Variants in DIRAS2 observed in about 807,000 individuals in gnomAD.
DIRAS2 encodes the protein DIRAS family GTPase 2, also known as GTP-binding protein Di-Ras2.
DIRAS2 carries 5 observed loss-of-function variants against 13.9 expected under a neutral mutation model. That is an observed-to-expected ratio of 0.36 (90% CI 0.19 to 0.76). The LOEUF is 0.76. DIRAS2 is among the 30% of genes least tolerant of loss of function. The pLI is 0.53. For missense variants in DIRAS2, 191 were observed against 263.0 expected, an observed-to-expected ratio of 0.73 and a Z score of 1.89; for synonymous variants, 111 against 105.4, an observed-to-expected ratio of 1.05 and a Z score of -0.33.
chr9:90,620,158 TG>T (rs1169381824), intron 1 of DIRAS2, among the ~76,000 whole-genome samples: 2 of 152,200 alleles, frequency 1.3e-5, no homozygotes, highest in Non-Finnish European at 2.9e-5. Context: ...TAAAAACCGC[TG>T]AAATGTACAC....
intron 1 of DIRAS2, among the ~76,000 whole-genome samples, chr9:90,632,764 A>G (rs1225906456): frequency 6.6e-6 from 1 of 152,238 alleles, no homozygotes; most frequent in Non-Finnish European, 1.5e-5. Flanking sequence ...TGGGAAGGGC[A>G]GGCTAAGCGA....
At position 90,632,529 on chromosome 9, in the gene DIRAS2, C is replaced by A. The variant is rs190684223; in HGVS notation, c.-37+10223G>T. Among the ~76,000 whole-genome samples, 4 of 152,346 alleles carry A rather than the reference C, an allele frequency of 2.6e-5. No homozygotes were observed. The East Asian group carries it at 5.8e-4, about 22-fold the overall frequency. ...CCCAGTAGTCTGTGGCATCTTCCCA[C>A]TTTATTTTCTCCAGCTTACATTTGT... On this transcript the variant is annotated intron_variant, in intron 1 of 1. Coordinates refer to ENST00000375765, the MANE Select transcript of DIRAS2 (RefSeq NM_017594.5).
intron 1 of DIRAS2, among the ~76,000 whole-genome samples, chr9:90,642,393 T>C (rs1825426658): frequency 2.0e-5 from 3 of 152,240 alleles, no homozygotes; most frequent in Admixed American, 6.5e-5. Flanking sequence ...TTTCTCACTT[T>C]AGACCACATC....
At chr9:90,637,298 G>T (rs930134458) in intron 1 of DIRAS2, among the ~76,000 whole-genome samples, 2 of 152,090 alleles carry the variant, frequency 1.3e-5, no homozygotes, top group Non-Finnish European at 2.9e-5. Flanking sequence ...CTCTGCTGAG[G>T]GATAAGCTAT....
chr9:90,637,771 C>T lies in DIRAS2; in HGVS notation c.-37+4981G>A, dbSNP rs530314351. On this transcript the variant is annotated intron_variant, in intron 1 of 1. Transcript: ENST00000375765. ...ATCTTAGATTAAGGCCGTGGCTCTCCGGCTGTGCTTGAAAGATCAGCACTG... is the reference window on the plus strand; with the variant it reads ...ATCTTAGATTAAGGCCGTGGCTCTCTGGCTGTGCTTGAAAGATCAGCACTG... 1.2e-4 allele frequency among the ~76,000 whole-genome samples: 18 copies of T among 152,208 alleles called. No individual in the cohort carries two copies. In the South Asian group the frequency reaches 2.5e-3, roughly 21 times the overall value.
chr9:90,618,936 G>GATCAAGAT (rs1825194194), intron 1 of DIRAS2, among the ~76,000 whole-genome samples: 2 of 152,176 alleles, frequency 1.3e-5, no homozygotes, highest in South Asian at 4.1e-4. Context: ...AAGATCAAGA[G>GATCAAGAT]ATCAAGACCA....
intron 1 of DIRAS2, among the ~76,000 whole-genome samples, chr9:90,638,375 C>A (rs1825388971): frequency 6.6e-6 from 1 of 152,102 alleles, no homozygotes; most frequent in Non-Finnish European, 1.5e-5. Context: ...TCTAGGTTAC[C>A]CAGCCATTTC....
chr9:90,639,388 A>T (rs531847434), intron 1 of DIRAS2, among the ~76,000 whole-genome samples: 2 of 152,340 alleles, frequency 1.3e-5, no homozygotes, highest in South Asian at 4.1e-4. Context: ...GTAAAGCATA[A>T]TACTAAAAGA....
chr9:90,613,177 G>A lies in DIRAS2; in HGVS notation c.*51C>T, dbSNP rs1470759058. ...CCTGACGACGGTGGGTGTCATTTTGGGGGAGTGAGGTGCCGGGGACACACA... is the reference window on the plus strand; with the variant it reads ...CCTGACGACGGTGGGTGTCATTTTGAGGGAGTGAGGTGCCGGGGACACACA... On this transcript the variant is annotated 3_prime_UTR_variant, in exon 2 of 2. Coordinates refer to ENST00000375765, the MANE Select transcript of DIRAS2 (RefSeq NM_017594.5). The surrounding 1 kb of genome is among the most constrained non-coding windows in gnomAD (Gnocchi z 5.6). 3 of 1,569,872 alleles carry A rather than the reference G, an allele frequency of 1.9e-6. No homozygotes were observed. Among genetic ancestry groups the A allele is most frequent in the Non-Finnish European group, 1.7e-6 (2 of 1,159,166 alleles).
chr9:90,636,091 G>T (rs1446094934), intron 1 of DIRAS2, among the ~76,000 whole-genome samples: 1 of 129,978 alleles, frequency 7.7e-6, no homozygotes, highest in Non-Finnish European at 1.5e-5. Flanking sequence ...AGGCTGGAGT[G>T]CAGTGGTGCG....
chr9:90,628,237 C>T (rs1165678760), intron 1 of DIRAS2, among the ~76,000 whole-genome samples: 5 of 152,222 alleles, frequency 3.3e-5, no homozygotes, highest in Non-Finnish European at 7.3e-5. Flanking sequence ...CACAGTGCCA[C>T]TGGCCCCTTG....
chr9:90,638,880 G>T (rs896938063), intron 1 of DIRAS2, among the ~76,000 whole-genome samples: 1 of 152,068 alleles, frequency 6.6e-6, no homozygotes, highest in Non-Finnish European at 1.5e-5. Context: ...AGGCACAAAA[G>T]TGCTCCAATA....
chr9:90,614,452 G>A (rs183543763), intron 1 of DIRAS2, among the ~76,000 whole-genome samples: 14 of 152,122 alleles, frequency 9.2e-5, no homozygotes, highest in Admixed American at 7.2e-4. Context: ...CTCTGCAGGA[G>A]TTGGTGCCAT....
intron 1 of DIRAS2, among the ~76,000 whole-genome samples, chr9:90,637,692 A>G (rs1056431715): frequency 2.6e-5 from 4 of 152,100 alleles, no homozygotes; most frequent in African/African-American, 9.7e-5. Context: ...TATCTTTGAA[A>G]CCGGTGTGTT....
In DIRAS2 at chr9:90,613,795, G is replaced by C. The variant is rs765868238; in HGVS notation, c.33C>G (p.Ala11=). 1.2e-6 allele frequency: 2 copies of C among 1,613,898 alleles called. No individual in the cohort carries two copies. Among genetic ancestry groups the C allele is most frequent in the Non-Finnish European group, 1.7e-6 (2 of 1,179,880 alleles). MPEQSNDYRV[A]VFGAGGVGKS... is the part of the protein sequence containing the mutation. ...TGCCAACACCGCCAGCCCCAAACAC[G>C]GCCACCCGGTAATCGTTACTCTGCT... The change falls in exon 2 of 2, where the codon GCC becomes GCG. Residue 11 remains alanine (A), a synonymous_variant. Coordinates refer to ENST00000375765, the MANE Select transcript of DIRAS2 (RefSeq NM_017594.5). The surrounding 1 kb of genome is among the most constrained non-coding windows in gnomAD (Gnocchi z 5.6).
At chr9:90,619,550 C>T (rs1333861367) in intron 1 of DIRAS2, among the ~76,000 whole-genome samples, 1 of 152,150 alleles carries the variant, frequency 6.6e-6, no homozygotes, top group Non-Finnish European at 1.5e-5. Context: ...CAAATGTTGA[C>T]AAGGCTGTAG....
intron 1 of DIRAS2, among the ~76,000 whole-genome samples, chr9:90,615,528 C>T (rs1451820925): frequency 2.0e-5 from 3 of 152,192 alleles, no homozygotes; most frequent in Non-Finnish European, 2.9e-5. Flanking sequence ...AATTTTTCCA[C>T]AATTTTTTTA....
intron 1 of DIRAS2, among the ~76,000 whole-genome samples, chr9:90,620,194 T>C (rs926456716): frequency 6.6e-6 from 1 of 152,188 alleles, no homozygotes; most frequent in African/African-American, 2.4e-5. Flanking sequence ...TATATCTCAG[T>C]AAAGCTTTTA....
intron 1 of DIRAS2, among the ~76,000 whole-genome samples, chr9:90,639,860 T>A (rs1564023754): frequency 6.6e-6 from 1 of 152,138 alleles, no homozygotes; most frequent in Admixed American, 6.5e-5. Flanking sequence ...CTGAGATCAT[T>A]TGTATATTTA....
Sources: gnomAD v4.1 joint callset for allele counts (sites outside exome capture counted in the v4.1 genomes callset) on GRCh38, gnomAD v4.1.1 for gene constraint, Gnocchi (gnomAD v3.1) non-coding constraint, MANE v1.5 for transcripts, NCBI Gene and HGNC (gene_info 2026-07-23, HGNC 2026-07-21) for gene names.